KIF21A: variants seen among roughly 807,000 people sequenced by gnomAD.
The protein encoded by KIF21A is kinesin-like protein KIF21A.
In KIF21A, 114 loss-of-function variants were observed where a neutral mutation model predicts 202.9. The ratio of observed to expected loss-of-function variants is 0.56; its 90% CI spans 0.48 to 0.66. The LOEUF is 0.66. KIF21A is among the 30% of genes least tolerant of loss of function. KIF21A has a pLI of 0.00. For missense variants in KIF21A, 1,677 were observed against 1,994.9 expected (o/e 0.84, Z 3.04); for synonymous variants, 667 against 670.8 (o/e 0.99, Z 0.09).
chr12:39,346,504 C>A lies in KIF21A; in HGVS notation c.1674G>T (p.Arg558Ser). ...LKRKEKRKKK[R>S]LQKLEESNRE... ...GATTGCTTTCCTCAAGTTTCTGTAGCCTTCAAAATCACGAGGCACAGTATT... is the reference window on the plus strand; with the variant it reads ...GATTGCTTTCCTCAAGTTTCTGTAGACTTCAAAATCACGAGGCACAGTATT... The change falls in exon 12 of 38, where the codon AGG becomes AGT. Residue 558 changes from arginine (R) to serine (S), a missense_variant and splice_region_variant. By Grantham distance (110) the Arg-to-Ser change is moderately radical. Transcript: ENST00000361418. The A allele has an allele frequency of 6.8e-7, 1 of 1,479,918 alleles. No homozygotes were observed. Among genetic ancestry groups the A allele is most frequent in the Non-Finnish European group, 8.9e-7 (1 of 1,118,122 alleles). The allele number at this position is 1,479,918 out of a possible 1,614,324, so 91.7% of individuals were successfully genotyped here. A position where few individuals can be genotyped will look rare whatever the true frequency, so the allele number is the denominator to read the frequency against.
chr12:39,360,789 TA>T (rs955590451), intron 7 of KIF21A, among the ~76,000 whole-genome samples: 4 of 152,198 alleles, frequency 2.6e-5, no homozygotes, highest in Non-Finnish European at 4.4e-5. Flanking sequence ...ACTGTAAATG[TA>T]AAAAAACCAG....
In KIF21A at chr12:39,332,593, T is replaced by C. The variant is rs376149427; in HGVS notation, c.2854A>G (p.Lys952Glu). ...NMEADMNRLL[K>E]QREELTKRRE... is the part of the protein sequence containing the mutation. ...TATCTACTCTCTATTTTCCACACCTTGAGGAGTCTATTCATATCTGCCTCC... is the reference window on the plus strand; with the variant it reads ...TATCTACTCTCTATTTTCCACACCTCGAGGAGTCTATTCATATCTGCCTCC... Residue 952 changes from lysine (K) to glutamate (E), a missense_variant and splice_region_variant, in exon 20 of 38, where the codon AAG (lysine) becomes GAG (glutamate). By Grantham distance (56) the Lys-to-Glu change is moderately conservative. Coordinates refer to ENST00000361418, the MANE Select transcript of KIF21A (RefSeq NM_001173464.2). 6.2e-7 allele frequency: 1 copy of C among 1,612,574 alleles called. No homozygotes were observed. Among genetic ancestry groups the C allele is most frequent in the African/African-American group, 1.3e-5 (1 of 74,668 alleles).
intron 24 of KIF21A, among the ~76,000 whole-genome samples, chr12:39,329,403 T>A (rs181372788): frequency 2.6e-5 from 4 of 152,080 alleles, no homozygotes; most frequent in Admixed American, 1.3e-4. Flanking sequence ...AGACAGCATA[T>A]ATTTCTATGA....
At chr12:39,326,627 G>A (rs1473324364) in intron 24 of KIF21A, among the ~76,000 whole-genome samples, 4 of 152,132 alleles carry the variant, frequency 2.6e-5, no homozygotes, top group African/African-American at 7.2e-5. Flanking sequence ...AGTCATGTAC[G>A]TATCCTGTAC....
chr12:39,369,297 A>G (rs1949798951), intron 3 of KIF21A, among the ~76,000 whole-genome samples: 1 of 152,106 alleles, frequency 6.6e-6, no homozygotes, highest in African/African-American at 2.4e-5. Flanking sequence ...CATCTCTACT[A>G]AAATTACAAA....
At chr12:39,329,528 A>G (rs1946311728) in intron 24 of KIF21A, among the ~76,000 whole-genome samples, 2 of 152,000 alleles carry the variant, frequency 1.3e-5, no homozygotes, top group Admixed American at 1.3e-4. Context: ...GGAGGAACAC[A>G]ATAAATTAAA....
At chr12:39,393,715 A>T (rs974986971) in intron 1 of KIF21A, among the ~76,000 whole-genome samples, 2 of 152,228 alleles carry the variant, frequency 1.3e-5, no homozygotes, top group Non-Finnish European at 2.9e-5. Flanking sequence ...AAAAGAATAA[A>T]TTTTTAACTA....
intron 1 of KIF21A, among the ~76,000 whole-genome samples, chr12:39,432,095 T>G (rs371359887): frequency 2.2e-4 from 34 of 152,322 alleles, no homozygotes; most frequent in African/African-American, 7.9e-4. Flanking sequence ...TGTGTTGAAC[T>G]GAGGTGAAAG....
At chr12:39,297,838 G>T (rs1474493179) in intron 37 of KIF21A, among the ~76,000 whole-genome samples, 1 of 149,180 alleles carries the variant, frequency 6.7e-6, no homozygotes, top group Non-Finnish European at 1.5e-5. Context: ...ATTCTAGTTT[G>T]TCATTATTGC....
At position 39,370,248 on chromosome 12, in the gene KIF21A, G is replaced by A. The variant is rs1196836806; in HGVS notation, c.58C>T (p.Leu20Phe). The change falls in exon 2 of 38, where the codon CTT (leucine) becomes TTT (phenylalanine). Residue 20 changes from leucine to phenylalanine, a missense_variant. Leu to Phe is a conservative substitution (Grantham distance 22, BLOSUM62 0). Transcript: ENST00000361418. Reference protein sequence around the residue: ...VRVAVRIRPQLAKEKIEGCHI... With the variant: ...VRVAVRIRPQFAKEKIEGCHI... ...CATCCTTCAATCTTCTCTTTGGCAA[G>A]CTGTGGTCTTATTCTGTGAGAAATA... 2 of 1,610,726 alleles carry A rather than the reference G, an allele frequency of 1.2e-6. No individual in the cohort carries two copies. Among genetic ancestry groups the A allele is most frequent in the Admixed American group, 1.7e-5 (1 of 59,958 alleles).
Position 39,331,610 on chromosome 12 carries a change from G to A in KIF21A, c.3153+80C>T. 4 of 908,320 alleles carry A rather than the reference G, an allele frequency of 4.4e-6. No homozygotes were observed. The South Asian group carries it at 5.2e-5, about 12-fold the overall frequency. 56.3% of individuals were successfully genotyped at this position (908,320 alleles called of 1,614,324 possible). On this transcript the variant is annotated intron_variant, in intron 22 of 37. Transcript: ENST00000361418. The stretch of plus-strand genomic sequence containing the variant: ...TCTTCTTCCTTATTACAAAGCAAAG[G>A]GTTACTACAGAAAGATAAATAAAAC...
chr12:39,440,455 T>A (rs1411060677), intron 1 of KIF21A, among the ~76,000 whole-genome samples: 1 of 152,158 alleles, frequency 6.6e-6, no homozygotes, highest in Non-Finnish European at 1.5e-5. Context: ...CAGATTGTTA[T>A]GAGGAATAAA....
At position 39,443,059 on chromosome 12, in the gene KIF21A, TG is replaced by T; in HGVS notation, c.-90del. 2 of 1,333,004 alleles carry T rather than the reference TG, an allele frequency of 1.5e-6. No individual in the cohort carries two copies. The highest frequency in any genetic ancestry group is 2.0e-6 in the Non-Finnish European group (2 of 1,025,030). 82.6% of individuals were successfully genotyped at this position (1,333,004 alleles called of 1,614,324 possible). On this transcript the variant is annotated 5_prime_UTR_variant, in exon 1 of 38. Transcript: ENST00000361418. Reference sequence around the variant, plus strand: ...GCCGCGGGACTCGGGCGCAGTAGGCTGGGGCGTCTGCGGGCGGGCGGCCGGC... The same window carrying T: ...GCCGCGGGACTCGGGCGCAGTAGGCTGGGCGTCTGCGGGCGGGCGGCCGGC...
chr12:39,355,820 G>A (rs778884066), intron 10 of KIF21A, among the ~76,000 whole-genome samples: 1 of 150,438 alleles, frequency 6.6e-6, no homozygotes, highest in African/African-American at 2.5e-5. Flanking sequence ...TTGCCACATC[G>A]GGATGTGTTT....
chr12:39,311,907 A>G, intron 31 of KIF21A: 1 of 247,790 alleles, frequency 4.0e-6, no homozygotes, highest in Non-Finnish European at 8.0e-6. Flanking sequence ...GAAATGACAA[A>G]TAACAGGAAA....
intron 1 of KIF21A, among the ~76,000 whole-genome samples, chr12:39,405,147 T>C (rs779621247): frequency 5.3e-5 from 8 of 151,294 alleles, no homozygotes; most frequent in Non-Finnish European, 5.9e-5. Context: ...AGGTCAGGAG[T>C]TCAAGAGCAG....
At chr12:39,412,297 G>A (rs545223264) in intron 1 of KIF21A, among the ~76,000 whole-genome samples, 1 of 152,176 alleles carries the variant, frequency 6.6e-6, no homozygotes, top group South Asian at 2.1e-4. Flanking sequence ...CTGTTGCCTA[G>A]ACATTATGAT....
intron 1 of KIF21A, among the ~76,000 whole-genome samples, chr12:39,389,630 A>G (rs962667977): frequency 1.3e-5 from 2 of 152,214 alleles, no homozygotes; most frequent in Admixed American, 6.5e-5. Flanking sequence ...CCGTAATCAG[A>G]TATCTTTTCC....
intron 24 of KIF21A, among the ~76,000 whole-genome samples, chr12:39,327,112 T>C (rs561656447): frequency 2.6e-5 from 4 of 152,212 alleles, no homozygotes; most frequent in East Asian, 3.9e-4. Flanking sequence ...TATTTTATTA[T>C]AAAAATCATT....
Sources: allele counts gnomAD v4.1 joint callset (sites outside exome capture counted in the v4.1 genomes callset), GRCh38; gene constraint gnomAD v4.1.1; transcripts MANE v1.5; gene names NCBI Gene and HGNC (gene_info 2026-07-23, HGNC 2026-07-21).